The following NRG1 variants were observed in gnomAD, a reference collection of about 807,000 sequenced individuals.
NRG1 encodes the protein neuregulin 1.
Under a neutral mutation model 63.8 loss-of-function variants are expected in NRG1, and 18 were observed. The observed-to-expected ratio is 0.28, with a 90% CI of 0.19 to 0.42. The LOEUF (loss-of-function observed/expected upper bound fraction) is 0.42. NRG1 is among the 10% of genes least tolerant of loss of function. NRG1 has a pLI of 1.00. For missense variants in NRG1, 762 were observed against 814.7 expected (o/e 0.94, Z 0.79); for synonymous variants, 302 against 301.3 (o/e 1.00, Z -0.02).
chr8:32,600,329 C>CGG (rs1844115200), intron 2 of NRG1, among the ~76,000 whole-genome samples: 2 of 141,070 alleles, frequency 1.4e-5, no homozygotes, highest in Non-Finnish European at 3.3e-5. Context: ...GTGTTGGACA[C>CGG]ACACACACAC....
chr8:32,583,006 T>C (rs1840939785), intron 1 of NRG1, among the ~76,000 whole-genome samples: 2 of 152,166 alleles, frequency 1.3e-5, no homozygotes, highest in South Asian at 4.1e-4. Flanking sequence ...TGCCCTTTCC[T>C]TTGAGCATTT....
At chr8:31,808,491 G>GT (rs1822519419) in intron 1 of NRG1, among the ~76,000 whole-genome samples, 1 of 151,702 alleles carries the variant, frequency 6.6e-6, no homozygotes, top group Non-Finnish European at 1.5e-5. Context: ...GAATTATTTT[G>GT]CTTTTTAATA....
chr8:31,861,091 G>A (rs1828431680), intron 1 of NRG1, among the ~76,000 whole-genome samples: 1 of 152,158 alleles, frequency 6.6e-6, no homozygotes, highest in Non-Finnish European at 1.5e-5. Flanking sequence ...ATATTATTCT[G>A]TTGGCAAACA....
In NRG1 at chr8:31,639,441, C is replaced by G. The variant is rs371977944; in HGVS notation, c.37+10C>G. ...CGAGTTGGCACCACAGGTAAACAGG[C>G]TGGCGAGGCGCAGGACGCTGTCGCC... On this transcript the variant is annotated intron_variant, in intron 1 of 10. Coordinates refer to the NRG1 transcript ENST00000519301. 23 of 1,534,606 alleles carry G rather than the reference C, an allele frequency of 1.5e-5. No homozygotes were observed. In the East Asian group the frequency reaches 2.5e-4, roughly 16 times the overall value.
At chr8:31,900,741 C>T (rs918441970) in intron 1 of NRG1, among the ~76,000 whole-genome samples, 1 of 152,208 alleles carries the variant, frequency 6.6e-6, no homozygotes, top group African/African-American at 2.4e-5. Flanking sequence ...TTTTCCCCGT[C>T]TCAAGCAAGC....
chr8:32,671,235 T>C (rs1010170230), intron 5 of NRG1, among the ~76,000 whole-genome samples: 1 of 152,124 alleles, frequency 6.6e-6, no homozygotes, highest in African/African-American at 2.4e-5. Context: ...GGCCAGGGAT[T>C]ATTTTGCTTT....
At chr8:32,165,242 A>C (rs1166742420) in intron 1 of NRG1, among the ~76,000 whole-genome samples, 1 of 151,868 alleles carries the variant, frequency 6.6e-6, no homozygotes, top group Admixed American at 6.6e-5. Context: ...GGGCTCAAAC[A>C]ATCTTCCTAC....
chr8:32,283,527 A>G (rs1853139412), intron 1 of NRG1, among the ~76,000 whole-genome samples: 1 of 152,176 alleles, frequency 6.6e-6, no homozygotes, highest in African/African-American at 2.4e-5. Flanking sequence ...TATATAGTAA[A>G]ATATATTTGG....
At chr8:32,207,982 T>G (rs1844253924) in intron 1 of NRG1, among the ~76,000 whole-genome samples, 1 of 152,200 alleles carries the variant, frequency 6.6e-6, no homozygotes, top group African/African-American at 2.4e-5. Context: ...GGATGAGAGT[T>G]GACCTAATGG....
chr8:32,770,082 T>C (rs527917262), downstream of NRG1, among the ~76,000 whole-genome samples: 13 of 152,216 alleles, frequency 8.5e-5, no homozygotes, highest in Admixed American at 5.9e-4. Context: ...AATGAACTTA[T>C]TGGAACAGAA....
At chr8:32,649,045 A>C (rs775630434) in intron 5 of NRG1, among the ~76,000 whole-genome samples, 1 of 152,220 alleles carries the variant, frequency 6.6e-6, no homozygotes, top group Non-Finnish European at 1.5e-5. Flanking sequence ...TCCAGGACAC[A>C]GTAGGATTCT....
chr8:31,985,572 AT>A (rs551231982), intron 1 of NRG1, among the ~76,000 whole-genome samples: 12 of 150,132 alleles, frequency 8.0e-5, no homozygotes, highest in African/African-American at 2.2e-4. Flanking sequence ...AATGATTTTG[AT>A]TTTTTTTTTA....
At chr8:31,839,733 CAG>C (rs1266872520) in intron 1 of NRG1, among the ~76,000 whole-genome samples, 8 of 152,158 alleles carry the variant, frequency 5.3e-5, no homozygotes, top group Non-Finnish European at 1.0e-4. Context: ...GCAAAAATGT[CAG>C]AGTGTCTAAA....
At chr8:31,657,709 T>C (rs914633759) in intron 1 of NRG1, among the ~76,000 whole-genome samples, 3 of 152,216 alleles carry the variant, frequency 2.0e-5, no homozygotes, top group Non-Finnish European at 4.4e-5. Context: ...GCTGAACATG[T>C]TTACATATCT....
At chr8:32,062,916 T>TA (rs1009253635) in intron 1 of NRG1, among the ~76,000 whole-genome samples, 5 of 151,944 alleles carry the variant, frequency 3.3e-5, no homozygotes, top group Admixed American at 6.6e-5. Flanking sequence ...AGGTTGAGAT[T>TA]AAAAAAAACT....
At chr8:32,034,162 G>A (rs1434474688) in intron 1 of NRG1, among the ~76,000 whole-genome samples, 1 of 152,082 alleles carries the variant, frequency 6.6e-6, no homozygotes, top group Non-Finnish European at 1.5e-5. Context: ...AACATGAAGG[G>A]ATGTTGAATT....
intron 6 of NRG1, among the ~76,000 whole-genome samples, chr8:32,736,694 G>A (rs985619314): frequency 5.3e-5 from 8 of 151,826 alleles, no homozygotes; most frequent in Admixed American, 2.6e-4. Context: ...AGAGAGAGAG[G>A]AAATATCAGC....
At chr8:31,864,991 T>C (rs1828820507) in intron 1 of NRG1, among the ~76,000 whole-genome samples, 1 of 152,182 alleles carries the variant, frequency 6.6e-6, no homozygotes, top group Non-Finnish European at 1.5e-5. Context: ...AGGCCTTTAT[T>C]TACCTATACT....
intron 5 of NRG1, among the ~76,000 whole-genome samples, chr8:32,695,556 A>G (rs1813071260): frequency 6.6e-6 from 1 of 152,200 alleles, no homozygotes; most frequent in Non-Finnish European, 1.5e-5. Context: ...AGAGCAATCG[A>G]GGAAGAATTA....
Sources: allele counts gnomAD v4.1 joint callset (sites outside exome capture counted in the v4.1 genomes callset), GRCh38; gene constraint gnomAD v4.1.1; transcripts MANE v1.5; gene names NCBI Gene and HGNC (gene_info 2026-07-23, HGNC 2026-07-21).